The following CDK4 variants were observed in gnomAD, a reference collection of about 807,000 sequenced individuals.
The protein encoded by CDK4 is cyclin dependent kinase 4.
CDK4 carries 13 observed loss-of-function variants against 36.7 expected under a neutral mutation model. The ratio of observed to expected loss-of-function variants is 0.35; its 90% CI spans 0.23 to 0.56. The LOEUF is 0.56. CDK4 is among the 20% of genes least tolerant of loss of function. CDK4 has a pLI of 0.85. For synonymous variants in CDK4, 158 were observed against 146.4 expected, an observed-to-expected ratio of 1.08 and a Z score of -0.57; for missense variants, 285 against 387.3, an observed-to-expected ratio of 0.74 and a Z score of 2.22.
At position 57,751,167 on chromosome 12, in the gene CDK4, G is replaced by T. The variant is rs1257189209; in HGVS notation, c.354+40C>A. The T allele has an allele frequency of 1.2e-6, 2 of 1,614,144 alleles. No homozygotes were observed. Among genetic ancestry groups the T allele is most frequent in the South Asian group, 2.2e-5 (2 of 91,072 alleles). On this transcript the variant is annotated intron_variant, in intron 3 of 7. Coordinates refer to ENST00000257904, the MANE Select transcript of CDK4 (RefSeq NM_000075.4). This position sits in a 1 kb window ranked among gnomAD's most constrained non-coding sequence, Gnocchi z 4.5. ...AAATCCCAGAAGGTTCTACTACAAAGGTCCCAATCCACCTCTCAATGCCTA... is the reference window on the plus strand; with the variant it reads ...AAATCCCAGAAGGTTCTACTACAAATGTCCCAATCCACCTCTCAATGCCTA...
Position 57,750,704 on chromosome 12 carries a change from A to AC in CDK4, c.583dup (p.Val195GlyfsTer25). ...GATACAGCCAACACTCCACATGTCCACAGGTGTTGCATATGTGGACTGCAG... is the reference window on the plus strand; with the variant it reads ...GATACAGCCAACACTCCACATGTCCACCAGGTGTTGCATATGTGGACTGCAG... On this transcript the variant is annotated frameshift_variant, in exon 5 of 8. Coordinates refer to ENST00000257904, the MANE Select transcript of CDK4 (RefSeq NM_000075.4). LOFTEE classifies it high-confidence loss of function. The AC allele has an allele frequency of 6.2e-7, 1 of 1,614,162 alleles. No individual in the cohort carries two copies. Among genetic ancestry groups the AC allele is most frequent in the Non-Finnish European group, 8.5e-7 (1 of 1,179,976 alleles).
At position 57,751,698 on chromosome 12, in the gene CDK4, T is replaced by A. The variant is rs2140388767; in HGVS notation, c.20A>T (p.Glu7Val). Residue 7 changes from glutamate to valine, a missense_variant, in exon 2 of 8, where the codon GAG becomes GTG. Transcript: ENST00000257904. This position sits in a 1 kb window ranked among gnomAD's most constrained non-coding sequence, Gnocchi z 4.5. MATSRY[E>V]PVAEIGVGAY... ...ACCGACACCAATTTCAGCCACTGGC[T>A]CATATCGAGAGGTAGCCATTCTCAG... 6.2e-7 allele frequency: 1 copy of A among 1,614,116 alleles called. No individual in the cohort carries two copies. Among genetic ancestry groups the A allele is most frequent in the Non-Finnish European group, 8.5e-7 (1 of 1,180,020 alleles).
At chr12:57,749,986 A>C in intron 5 of CDK4, 1 of 166,150 alleles carries the variant, frequency 6.0e-6, no homozygotes, top group Non-Finnish European at 1.3e-5. Context: ...ACAGAGCAAG[A>C]CTCCATCTAA....
Position 57,750,662 on chromosome 12 carries a change from C to T in CDK4, c.626G>A (p.Arg209His), listed in dbSNP as rs754423955. The T allele has an allele frequency of 1.4e-5, 23 of 1,611,088 alleles. No individual in the cohort carries two copies. The highest frequency in any genetic ancestry group is 1.0e-4 in the Admixed American group (6 of 60,006). Residue 209 changes from arginine (R) to histidine (H), a missense_variant, in exon 5 of 8, where the codon CGT becomes CAT. Physicochemically the swap from Arg to His is conservative, Grantham distance 29 (BLOSUM62 0). Transcript: ENST00000257904. ...SVGCIFAEMFRRKPLFCGNSE... is the reference protein window; with the variant it reads ...SVGCIFAEMFHRKPLFCGNSE... ...GGGTATGTGGGTCCCATACTTTCGA[C>T]GAAACATCTCTGCAAAGATACAGCC...
At chr12:57,749,678 G>A (rs1321534567) in intron 5 of CDK4, 174 bp from the exon 6 acceptor site, 9 of 686,596 alleles carry the variant, frequency 1.3e-5, no homozygotes, top group Non-Finnish European at 2.4e-5. Flanking sequence ...ATCAGCCTGG[G>A]CAAGCAAGAC....
Position 57,748,344 on chromosome 12 carries a change from G to A in CDK4, c.*181C>T. 1 of 679,452 alleles carries A rather than the reference G, an allele frequency of 1.5e-6. No individual in the cohort carries two copies. The allele number at this position is 679,452 out of a possible 1,614,324, so 42.1% of individuals were successfully genotyped here. A position where few individuals can be genotyped will look rare whatever the true frequency, so the allele number is the denominator to read the frequency against. On this transcript the variant is annotated 3_prime_UTR_variant, in exon 8 of 8. Coordinates refer to ENST00000257904, the MANE Select transcript of CDK4 (RefSeq NM_000075.4). ...CCCCTTAGTGTAGAGAAATGGGAAG[G>A]AGAAGGAGAAGCCTCAAAAGGAGAG...
In CDK4 at chr12:57,751,199, C is replaced by T. The variant is rs2140387160; in HGVS notation, c.354+8G>A. The stretch of plus-strand genomic sequence containing the variant: ...ATCCACCTCTCAATGCCTACCAACC[C>T]CACTCACCTTGATCGTTTCGGCTGG... On this transcript the variant is annotated splice_region_variant and intron_variant, in intron 3 of 7. Coordinates refer to ENST00000257904, the MANE Select transcript of CDK4 (RefSeq NM_000075.4). This position sits in a 1 kb window ranked among gnomAD's most constrained non-coding sequence, Gnocchi z 4.5. 6.2e-7 allele frequency: 1 copy of T among 1,614,174 alleles called. No individual in the cohort carries two copies. The highest frequency in any genetic ancestry group is 1.1e-5 in the South Asian group (1 of 91,070).
Position 57,748,295 on chromosome 12 carries a change from G to C in CDK4, c.*230C>G. On this transcript the variant is annotated 3_prime_UTR_variant, in exon 8 of 8. Coordinates refer to ENST00000257904, the MANE Select transcript of CDK4 (RefSeq NM_000075.4). ...AAAAAGGACCCCAAATATAAAGGTA[G>C]GGAAAGGGACAAGAGGGAACATACC... 1 of 499,062 alleles carries C rather than the reference G, an allele frequency of 2.0e-6. No individual in the cohort carries two copies. Among genetic ancestry groups the C allele is most frequent in the South Asian group, 2.3e-5 (1 of 43,448 alleles). 30.9% of individuals were successfully genotyped at this position (499,062 alleles called of 1,614,324 possible). A position where few individuals can be genotyped will look rare whatever the true frequency, so the allele number is the denominator to read the frequency against.
chr12:57,749,107 C>T (rs2140382259), intron 7 of CDK4, 75 bp downstream of exon 7: 2 of 1,576,810 alleles, frequency 1.3e-6, no homozygotes, highest in East Asian at 2.2e-5. Flanking sequence ...CCACAGTGGC[C>T]AGGGCCCTGC....
rs2140386858 is a variant in CDK4, at chr12:57,751,110, A to G, written c.355-20T>C. The G allele has an allele frequency of 6.2e-7, 1 of 1,614,182 alleles. No homozygotes were observed. The highest frequency in any genetic ancestry group is 8.5e-7 in the Non-Finnish European group (1 of 1,180,026). On this transcript the variant is annotated intron_variant, in intron 3 of 7. Coordinates refer to ENST00000257904, the MANE Select transcript of CDK4 (RefSeq NM_000075.4). This position sits in a 1 kb window ranked among gnomAD's most constrained non-coding sequence, Gnocchi z 4.5. Reference sequence around the variant, plus strand: ...CAGATCCTAGTTTCAAAGGGGAGGTACAGATGCACTGGAAACTAGGCACCA... The same window carrying G: ...CAGATCCTAGTTTCAAAGGGGAGGTGCAGATGCACTGGAAACTAGGCACCA...
intron 5 of CDK4, 157 bp from the exon 6 acceptor site, chr12:57,749,661 G>A: frequency 1.2e-5 from 9 of 734,994 alleles, no homozygotes; most frequent in Non-Finnish European, 1.9e-5. Flanking sequence ...GAGCCCAGGA[G>A]TTCTAGATCA....
chr12:57,748,053 T>C lies in CDK4; in HGVS notation c.*472A>G, dbSNP rs1955179887. The C allele has an allele frequency of 3.8e-6, 1 of 260,682 alleles. No homozygotes were observed. The highest frequency in any genetic ancestry group is 9.4e-5 in the South Asian group (1 of 10,646). 16.1% of individuals were successfully genotyped at this position (260,682 alleles called of 1,614,324 possible). ...CACCACGCCCCGCCTAAAATCCATA[T>C]TCAAAGAAGCAATTTCAGTTCCTTT... On this transcript the variant is annotated 3_prime_UTR_variant, in exon 8 of 8. Transcript: ENST00000257904.
chr12:57,749,573 G>A, intron 5 of CDK4, 69 bp from the exon 6 acceptor site: 1 of 1,464,464 alleles, frequency 6.8e-7, no homozygotes, highest in East Asian at 2.3e-5. Flanking sequence ...TTACTGCTTA[G>A]TGGCTCAAAA....
rs1595110689 is a variant in CDK4, at chr12:57,751,228, G to C, written c.333C>G (p.Gly111=). 1 of 1,614,228 alleles carries C rather than the reference G, an allele frequency of 6.2e-7. No individual in the cohort carries two copies. The highest frequency in any genetic ancestry group is 8.5e-7 in the Non-Finnish European group (1 of 1,180,034). Residue 111 remains glycine (G), a synonymous_variant, in exon 3 of 8, where the codon GGC becomes GGG. Transcript: ENST00000257904. The surrounding 1 kb of genome is among the most constrained non-coding windows in gnomAD (Gnocchi z 4.5). ...TCACCTTGATCGTTTCGGCTGGCAA[G>C]CCTGGTGGGGGTGCCTTGTCCAGAT... The part of the protein sequence containing the change: ...RTYLDKAPPP[G]LPAETIKDLM...
chr12:57,749,373 G>A (rs2140383438), intron 6 of CDK4, 56 bp from the exon 7 acceptor site: 1 of 1,613,532 alleles, frequency 6.2e-7, no homozygotes, highest in Non-Finnish European at 8.5e-7. Context: ...CATCCCCATG[G>A]GCAGAGCCAG....
Position 57,752,216 on chromosome 12 carries a change from G to T in CDK4, c.-61C>A. 8.0e-6 allele frequency: 2 copies of T among 249,696 alleles called. No individual in the cohort carries two copies. The highest frequency in any genetic ancestry group is 1.6e-5 in the Non-Finnish European group (2 of 126,800). 15.5% of individuals were successfully genotyped at this position (249,696 alleles called of 1,614,324 possible). Reference sequence around the variant, plus strand: ...GTGCTGTGGGGGCGGCCCGTTATCGGGGCCCCGGAGCCGGTTCCTACGGCC... The same window carrying T: ...GTGCTGTGGGGGCGGCCCGTTATCGTGGCCCCGGAGCCGGTTCCTACGGCC... On this transcript the variant is annotated 5_prime_UTR_variant, in exon 1 of 8. Coordinates refer to ENST00000257904, the MANE Select transcript of CDK4 (RefSeq NM_000075.4).
intron 7 of CDK4, 91 bp from the exon 8 acceptor site, chr12:57,748,708 CTTTTTTT>C (rs545773931): frequency 9.1e-5 from 63 of 693,960 alleles, no homozygotes; most frequent in African/African-American, 3.8e-4. Context: ...CTTCTTTTTT[CTTTTTTT>C]TTTTTTTTGA....
chr12:57,749,610 C>G, intron 5 of CDK4, 106 bp from the exon 6 acceptor site: 2 of 1,087,486 alleles, frequency 1.8e-6, no homozygotes, highest in Non-Finnish European at 2.8e-6. Flanking sequence ...TAAAGGCCAA[C>G]AATTCCAGCA....
chr12:57,750,893 A>G (rs757029458), intron 4 of CDK4, 30 bp downstream of exon 4: 1 of 1,613,898 alleles, frequency 6.2e-7, no homozygotes, highest in Admixed American at 1.7e-5. Context: ...TCCCAACCAG[A>G]ACCCATTTTG....
Sources: gnomAD v4.1 joint callset for allele counts on GRCh38, gnomAD v4.1.1 for gene constraint, Gnocchi (gnomAD v3.1) non-coding constraint, MANE v1.5 for transcripts, NCBI Gene and HGNC (gene_info 2026-07-23, HGNC 2026-07-21) for gene names.